SMYD3: variants seen among roughly 807,000 people sequenced by gnomAD.
SMYD3 encodes SET and MYND domain containing 3.
Under a neutral mutation model 57.7 loss-of-function variants are expected in SMYD3, and 36 were observed. The observed-to-expected ratio is 0.62, with a 90% CI of 0.48 to 0.82. The LOEUF (loss-of-function observed/expected upper bound fraction) is 0.82. Ranked by LOEUF, SMYD3 falls within the 40% of genes least tolerant of loss-of-function variation. SMYD3 has a pLI of 0.00. For synonymous variants in SMYD3, 211 were observed against 195.0 expected, an observed-to-expected ratio of 1.08 and a Z score of -0.68; for missense variants, 515 against 538.8, an observed-to-expected ratio of 0.96 and a Z score of 0.44.
intron 5 of SMYD3, among the ~76,000 whole-genome samples, chr1:246,286,102 T>G (rs542861542): frequency 6.6e-6 from 1 of 152,072 alleles, no homozygotes; most frequent in East Asian, 1.9e-4. Context: ...AGAACTAAAG[T>G]AGAACTACCA....
intron 5 of SMYD3, among the ~76,000 whole-genome samples, chr1:246,114,309 A>C (rs1364912971): frequency 6.6e-6 from 1 of 152,210 alleles, no homozygotes; most frequent in Non-Finnish European, 1.5e-5. Context: ...GGACTGCCCC[A>C]ATTTATTAAG....
At chr1:246,328,799 C>A (rs2065404338) in intron 4 of SMYD3, among the ~76,000 whole-genome samples, 1 of 152,020 alleles carries the variant, frequency 6.6e-6, no homozygotes, top group Non-Finnish European at 1.5e-5. Flanking sequence ...ATTAACTCGT[C>A]ACTTAGCATT....
intron 5 of SMYD3, among the ~76,000 whole-genome samples, chr1:246,125,828 C>T (rs2061500760): frequency 6.6e-6 from 1 of 151,866 alleles, no homozygotes; most frequent in Non-Finnish European, 1.5e-5. Context: ...GGAAAACAGC[C>T]AATCAAGCAA....
chr1:246,053,016 C>T lies in SMYD3; in HGVS notation c.532-123079G>A, dbSNP rs148739984. 3.7e-3 allele frequency: 559 copies of T among 152,448 alleles called. 4 individuals are homozygous for T. The highest frequency in any genetic ancestry group is 0.012 in the South Asian group (60 of 4,966). 9.4% of individuals were successfully genotyped at this position (152,448 alleles called of 1,614,324 possible). ...CTTTGTGAGGCTGAGGCAGGAAGAT[C>T]GCTTGATACCAGGAGTTGAAGACCA... On this transcript the variant is annotated intron_variant, in intron 5 of 11. Transcript: ENST00000490107.
At chr1:246,046,175 C>A (rs12065447) in intron 5 of SMYD3, among the ~76,000 whole-genome samples, 1 of 151,870 alleles carries the variant, frequency 6.6e-6, no homozygotes, top group Non-Finnish European at 1.5e-5. Context: ...CACATGCATA[C>A]GTATGTTTAT....
intron 2 of SMYD3, among the ~76,000 whole-genome samples, chr1:246,348,896 T>C (rs1026676485): frequency 6.6e-6 from 1 of 152,064 alleles, no homozygotes; most frequent in African/African-American, 2.4e-5. Context: ...CAAAGAATCA[T>C]AGCCAACTTC....
intron 5 of SMYD3, among the ~76,000 whole-genome samples, chr1:245,939,568 A>G (rs765454559): frequency 5.3e-5 from 8 of 152,176 alleles, no homozygotes; most frequent in Non-Finnish European, 1.0e-4. Context: ...CAGAGGTTGC[A>G]GTGAGCCAAG....
chr1:246,342,390 T>C (rs931748230), intron 2 of SMYD3, among the ~76,000 whole-genome samples: 2 of 152,152 alleles, frequency 1.3e-5, no homozygotes, highest in Non-Finnish European at 2.9e-5. Flanking sequence ...TTACATCCAG[T>C]TTGCTTGATA....
chr1:246,294,739 C>T (rs533905934), intron 5 of SMYD3, among the ~76,000 whole-genome samples: 31 of 152,158 alleles, frequency 2.0e-4, no homozygotes, highest in South Asian at 1.0e-3. Flanking sequence ...ACTGGAATTA[C>T]AGGCACCCAC....
At chr1:246,098,140 ATATC>A (rs578166383) in intron 5 of SMYD3, among the ~76,000 whole-genome samples, 3 of 152,378 alleles carry the variant, frequency 2.0e-5, no homozygotes, top group African/African-American at 7.2e-5. Context: ...GGGTAAAACT[ATATC>A]TATACCCGCA....
intron 1 of SMYD3, among the ~76,000 whole-genome samples, chr1:246,390,036 A>G (rs1372055560): frequency 6.6e-6 from 1 of 152,026 alleles, no homozygotes; most frequent in Non-Finnish European, 1.5e-5. Context: ...TTTATCAGCT[A>G]AAGTAGCAAA....
At chr1:246,253,199 G>T (rs2063823432) in intron 5 of SMYD3, among the ~76,000 whole-genome samples, 2 of 152,086 alleles carry the variant, frequency 1.3e-5, no homozygotes, top group Admixed American at 6.5e-5. Context: ...GCTGAGGTTT[G>T]GGGTACAAAT....
chr1:245,812,700 C>CAAAAAAAAAAAAAAAAAAAAAAAA (rs201426225), intron 10 of SMYD3, among the ~76,000 whole-genome samples: 7 of 46,596 alleles, frequency 1.5e-4, no homozygotes, highest in Admixed American at 3.9e-4. Context: ...AACAACAGTT[C>CAAAAAAAAAAAAAAAAAAAAAAAA]CAAAAAAAAA....
At chr1:246,376,192 A>T (rs1049057099) in intron 1 of SMYD3, among the ~76,000 whole-genome samples, 1 of 152,214 alleles carries the variant, frequency 6.6e-6, no homozygotes, top group Non-Finnish European at 1.5e-5. Flanking sequence ...AGTATTACAT[A>T]TATATACACA....
chr1:245,916,416 A>T (rs1286559230), intron 7 of SMYD3, among the ~76,000 whole-genome samples: 1 of 152,178 alleles, frequency 6.6e-6, no homozygotes. Flanking sequence ...TAGATCTCTT[A>T]TGAAAGTCTA....
intron 5 of SMYD3, among the ~76,000 whole-genome samples, chr1:246,130,227 C>T (rs907881537): frequency 7.9e-5 from 12 of 152,120 alleles, no homozygotes; most frequent in African/African-American, 2.7e-4. Flanking sequence ...AAAGTTTTAA[C>T]GTTTAATATG....
At chr1:245,914,828 C>T (rs188438827) in intron 8 of SMYD3, among the ~76,000 whole-genome samples, 248 of 151,806 alleles carry the variant, frequency 1.6e-3, no homozygotes, top group Non-Finnish European at 2.7e-3. Context: ...ACATAGTATA[C>T]ACATAATTAA....
intron 11 of SMYD3, among the ~76,000 whole-genome samples, chr1:245,753,249 C>G (rs1187847348): frequency 7.6e-6 from 1 of 132,158 alleles, no homozygotes; most frequent in Non-Finnish European, 1.6e-5. Context: ...TCTGAAGCAA[C>G]TGAAAAAAAA....
intron 10 of SMYD3, among the ~76,000 whole-genome samples, chr1:245,833,051 A>T: frequency 1.1e-5 from 1 of 87,074 alleles, no homozygotes; most frequent in African/African-American, 2.9e-5. Flanking sequence ...ACTGCCCGGA[A>T]TATGTGACAA....
Sources: gnomAD v4.1 joint callset for allele counts (sites outside exome capture counted in the v4.1 genomes callset) on GRCh38, gnomAD v4.1.1 for gene constraint, MANE v1.5 for transcripts, NCBI Gene and HGNC (gene_info 2026-07-23, HGNC 2026-07-21) for gene names.